PRC1: variants seen among roughly 807,000 people sequenced by gnomAD.
PRC1 encodes the protein protein regulator of cytokinesis 1.
In PRC1, 54 loss-of-function variants were observed where a neutral mutation model predicts 91.2. The observed-to-expected ratio is 0.59, with a 90% confidence interval of 0.48 to 0.74. The LOEUF (loss-of-function observed/expected upper bound fraction) is 0.74. Among genes scored for constraint, PRC1 ranks in the 30% least tolerant of loss-of-function variants. The pLI, the probability that PRC1 is intolerant of heterozygous loss-of-function variation, is 0.00. For synonymous variants in PRC1, 275 were observed against 263.6 expected, an observed-to-expected ratio of 1.04 and a Z score of -0.42; for missense variants, 727 against 746.2, an observed-to-expected ratio of 0.97 and a Z score of 0.30.
intron 13 of PRC1, among the ~76,000 whole-genome samples, 162 bp downstream of exon 13, chr15:90,969,285 C>T (rs186025958): frequency 1.3e-5 from 2 of 152,110 alleles, no homozygotes; most frequent in African/African-American, 2.4e-5. Flanking sequence ...CACAACCCCC[C>T]CTTAAATCAC....
At position 90,984,119 on chromosome 15, in the gene PRC1, C is replaced by T; in HGVS notation, c.166G>A (p.Ala56Thr). ...CTTTCCTTCAGGCTTTCCTCTTCAG[C>T]AATCATCATATCCAGGAGTTCCTAC... ...HIKELLDMMI[A>T]EEESLKERLI... The change falls in exon 3 of 15, where the codon GCT becomes ACT. Residue 56 changes from alanine to threonine, a missense_variant. Coordinates refer to ENST00000394249, the MANE Select transcript of PRC1 (RefSeq NM_003981.4). The surrounding 1 kb of genome is among the most constrained non-coding windows in gnomAD (Gnocchi z 5.1). The T allele has an allele frequency of 1.2e-6, 2 of 1,614,132 alleles. No homozygotes were observed. The highest frequency in any genetic ancestry group is 2.2e-5 in the East Asian group (1 of 44,886).
intron 14 of PRC1, chr15:90,967,454 C>G: frequency 1.9e-6 from 1 of 523,376 alleles, no homozygotes; most frequent in Non-Finnish European, 3.4e-6. Flanking sequence ...TTACACCTCA[C>G]AGAAGAGAAA....
rs965165324 is a variant in PRC1 at position 90,966,660 on chromosome 15, G to C, written c.*471C>G. On this transcript the variant is annotated 3_prime_UTR_variant, in exon 15 of 15. Coordinates refer to ENST00000394249, the MANE Select transcript of PRC1 (RefSeq NM_003981.4). ...CTTCAGGAGGAAGGCTGTCCTGTGTGGTGGGGACAAGGCTTCAGGTAAGAG... is the reference window on the plus strand; with the variant it reads ...CTTCAGGAGGAAGGCTGTCCTGTGTCGTGGGGACAAGGCTTCAGGTAAGAG... The C allele has an allele frequency of 2.2e-6, 1 of 456,148 alleles. No homozygotes were observed. The highest frequency in any genetic ancestry group is 4.4e-6 in the Non-Finnish European group (1 of 226,964). The allele number at this position is 456,148 out of a possible 1,614,324, so 28.3% of individuals were successfully genotyped here. A position where few individuals can be genotyped will look rare whatever the true frequency, so the allele number is the denominator to read the frequency against.
chr15:90,988,002 C>T (rs1420028908), intron 1 of PRC1: 11 of 152,064 alleles, frequency 7.2e-5, no homozygotes, highest in Non-Finnish European at 1.6e-4. Context: ...TACTGACAAA[C>T]GTTTAAAAGA....
chr15:90,991,286 G>A (rs2039968165), intron 1 of PRC1, among the ~76,000 whole-genome samples: 1 of 151,398 alleles, frequency 6.6e-6, no homozygotes, highest in Admixed American at 6.6e-5. Context: ...CGTGGTAGTG[G>A]GTGCCTGTAA....
In PRC1 at chr15:90,967,215, AAAT is replaced by A; in HGVS notation, c.1792-16_1792-14del. 1 of 1,610,034 alleles carries A rather than the reference AAAT, an allele frequency of 6.2e-7. No individual in the cohort carries two copies. Among genetic ancestry groups the A allele is most frequent in the Non-Finnish European group, 8.5e-7 (1 of 1,176,224 alleles). ...TTGAAAGTTCTCGCTGTTGAAAAAT[AAAT>A]AACATCAGTGGCCATACTGCCTCTC... On this transcript the variant is annotated splice_polypyrimidine_tract_variant and intron_variant, in intron 14 of 14. Coordinates refer to ENST00000394249, the MANE Select transcript of PRC1 (RefSeq NM_003981.4).
Position 90,981,745 on chromosome 15 carries a change from T to C in PRC1, c.501+3A>G. 6.2e-7 allele frequency: 1 copy of C among 1,610,130 alleles called. No individual in the cohort carries two copies. The highest frequency in any genetic ancestry group is 8.5e-7 in the Non-Finnish European group (1 of 1,177,102). ...TTAGGAAGAACAAATGTAGGCAGTGTACCTTTGTTTCCCTCAAAGTTGTCA... is the reference window on the plus strand; with the variant it reads ...TTAGGAAGAACAAATGTAGGCAGTGCACCTTTGTTTCCCTCAAAGTTGTCA... On this transcript the variant is annotated splice_donor_region_variant and intron_variant, in intron 4 of 14. Coordinates refer to ENST00000394249, the MANE Select transcript of PRC1 (RefSeq NM_003981.4).
chr15:90,984,608 A>C lies in PRC1; in HGVS notation c.144+85T>G. On this transcript the variant is annotated intron_variant, in intron 2 of 14. Coordinates refer to ENST00000394249, the MANE Select transcript of PRC1 (RefSeq NM_003981.4). This position sits in a 1 kb window ranked among gnomAD's most constrained non-coding sequence, Gnocchi z 5.1. ...CTGTGCTATCCTAATGCCGATGATC[A>C]CATGTCCCTTCTGTATGCTATCTCG... 2 of 1,547,220 alleles carry C rather than the reference A, an allele frequency of 1.3e-6. No individual in the cohort carries two copies. The highest frequency in any genetic ancestry group is 1.8e-6 in the Non-Finnish European group (2 of 1,136,760).
chr15:90,978,707 C>T (rs1460518617), intron 8 of PRC1, among the ~76,000 whole-genome samples: 3 of 145,062 alleles, frequency 2.1e-5, no homozygotes, highest in Non-Finnish European at 3.0e-5. Context: ...GAGCCAAGAT[C>T]GCACCATTGC....
intron 8 of PRC1, 126 bp from the exon 9 acceptor site, chr15:90,976,897 G>T (rs932014669): frequency 1.0e-5 from 7 of 683,370 alleles, no homozygotes; most frequent in Non-Finnish European, 1.7e-5. Context: ...TTGGGAGGCC[G>T]AGGCGAGTGG....
intron 8 of PRC1, chr15:90,977,084 C>T (rs1344544924): frequency 6.2e-6 from 1 of 161,206 alleles, no homozygotes. Flanking sequence ...GAGACTGCGC[C>T]ACCGTGCTCC....
chr15:90,991,543 G>C (rs1295654258), intron 1 of PRC1, among the ~76,000 whole-genome samples: 1 of 152,050 alleles, frequency 6.6e-6, no homozygotes, highest in Non-Finnish European at 1.5e-5. Flanking sequence ...GACACTTCCT[G>C]TAAGAGGATC....
intron 14 of PRC1, 66 bp from the exon 15 acceptor site, chr15:90,967,268 T>G: frequency 7.1e-7 from 1 of 1,401,272 alleles, no homozygotes; most frequent in Non-Finnish European, 1.0e-6. Flanking sequence ...CCCTTCTAAG[T>G]TTGGTTAAGT....
intron 14 of PRC1, chr15:90,967,879 C>CTG (rs2037664966): frequency 1.0e-6 from 1 of 985,326 alleles, no homozygotes; most frequent in Non-Finnish European, 1.2e-6. Flanking sequence ...GGTAAGTAGG[C>CTG]AACAAGCTTT....
chr15:90,981,520 T>C lies in PRC1; in HGVS notation c.651A>G (p.Thr217=). ...GTACCTGCCGTAGCAACTTTTGTAGTGTTGCAATATTCTCCAAAGACAAAC... is the reference window on the plus strand; with the variant it reads ...GTACCTGCCGTAGCAACTTTTGTAGCGTTGCAATATTCTCCAAAGACAAAC... ...AFCLSLENIA[T]LQKLLRQLEM... The change falls in exon 5 of 15, where the codon ACA becomes ACG. Residue 217 remains threonine (T), a synonymous_variant. Coordinates refer to ENST00000394249, the MANE Select transcript of PRC1 (RefSeq NM_003981.4). The C allele has an allele frequency of 6.2e-7, 1 of 1,613,902 alleles. No homozygotes were observed. Among genetic ancestry groups the C allele is most frequent in the Non-Finnish European group, 8.5e-7 (1 of 1,180,030 alleles).
chr15:90,971,420 G>A (rs990245455), intron 11 of PRC1, among the ~76,000 whole-genome samples: 1 of 151,990 alleles, frequency 6.6e-6, no homozygotes, highest in Non-Finnish European at 1.5e-5. Flanking sequence ...TGAGTAGCTG[G>A]GACCACAGGC....
intron 1 of PRC1, among the ~76,000 whole-genome samples, chr15:90,992,613 G>A (rs1353196913): frequency 2.0e-5 from 3 of 152,046 alleles, no homozygotes; most frequent in Non-Finnish European, 4.4e-5. Context: ...ATCTTAAGAT[G>A]CTTCAGAGCA....
intron 11 of PRC1, among the ~76,000 whole-genome samples, chr15:90,971,180 G>T (rs2038092544): frequency 6.6e-6 from 1 of 152,188 alleles, no homozygotes; most frequent in Non-Finnish European, 1.5e-5. Context: ...AATACAAAGA[G>T]GCACTAGGAA....
chr15:90,980,357 C>T lies in PRC1; in HGVS notation c.855G>A (p.Leu285=), dbSNP rs771232831. The T allele has an allele frequency of 9.3e-6, 15 of 1,613,986 alleles. No individual in the cohort carries two copies. Among genetic ancestry groups the T allele is most frequent in the Middle Eastern group, 1.6e-4 (1 of 6,084 alleles). ...LQLEVDRLEE[L]KMQNMKKVIE... ...TCACTTTCTTCATGTTTTGCATTTT[C>T]AGTTCTTCCAACCGATCCACTTCTA... The change falls in exon 7 of 15, where the codon CTG becomes CTA. Residue 285 remains leucine (L), a synonymous_variant. Transcript: ENST00000394249.
Sources: gnomAD v4.1 joint callset for allele counts (sites outside exome capture counted in the v4.1 genomes callset) on GRCh38, gnomAD v4.1.1 for gene constraint, Gnocchi (gnomAD v3.1) non-coding constraint, MANE v1.5 for transcripts, NCBI Gene and HGNC (gene_info 2026-07-23, HGNC 2026-07-21) for gene names.